SAV1: variants seen among roughly 807,000 people sequenced by gnomAD.
The protein encoded by SAV1 is salvador family WW domain containing protein 1.
SAV1 carries 23 observed loss-of-function variants against 47.3 expected under a neutral mutation model. That is an observed-to-expected ratio of 0.49 (90% confidence interval 0.35 to 0.69). SAV1 has a LOEUF of 0.69. SAV1 is among the 30% of genes least tolerant of loss of function. The probability of loss-of-function intolerance (pLI) is 0.01; values close to 1 mark genes in which losing one functional copy is unlikely to be tolerated. For synonymous variants in SAV1, 155 were observed against 159.2 expected, an observed-to-expected ratio of 0.97 and a Z score of 0.20; for missense variants, 448 against 457.4, an observed-to-expected ratio of 0.98 and a Z score of 0.19.
At chr14:50,656,532 T>A (rs2140260334) in intron 2 of SAV1, among the ~76,000 whole-genome samples, 1 of 149,768 alleles carries the variant, frequency 6.7e-6, no homozygotes, top group East Asian at 2.0e-4. Context: ...AAGCTCTGCC[T>A]CCTGGGTTCA....
chr14:50,656,738 G>A (rs747460387), intron 2 of SAV1, among the ~76,000 whole-genome samples: 7 of 152,012 alleles, frequency 4.6e-5, no homozygotes, highest in Non-Finnish European at 8.8e-5. Context: ...CACCGTGCCC[G>A]GCCCCAGCTG....
intron 2 of SAV1, among the ~76,000 whole-genome samples, chr14:50,657,847 T>C (rs964752025): frequency 6.6e-6 from 1 of 152,228 alleles, no homozygotes; most frequent in Non-Finnish European, 1.5e-5. Context: ...TTATTTTCTC[T>C]CTCAGCTATC....
intron 3 of SAV1, among the ~76,000 whole-genome samples, chr14:50,643,195 T>C (rs560603559): frequency 6.0e-4 from 91 of 152,304 alleles, no homozygotes; most frequent in East Asian, 5.8e-4. Flanking sequence ...AATTATGAAA[T>C]TGCTTTTAAA....
intron 4 of SAV1, among the ~76,000 whole-genome samples, chr14:50,636,054 A>T (rs955647063): frequency 6.6e-6 from 1 of 152,146 alleles, no homozygotes; most frequent in African/African-American, 2.4e-5. Context: ...ATATTACTTC[A>T]TTTCAATTTA....
intron 4 of SAV1, chr14:50,637,663 AGTTTTTTTTTTTT>A (rs1367190772): frequency 3.9e-5 from 5 of 128,768 alleles, no homozygotes; most frequent in Non-Finnish European, 6.2e-5. Flanking sequence ...CAATTTTGTC[AGTTTTTTTTTTTT>A]TTTTTTTTTT....
intron 4 of SAV1, among the ~76,000 whole-genome samples, chr14:50,640,280 C>T (rs1464214568): frequency 6.6e-6 from 1 of 152,128 alleles, no homozygotes; most frequent in African/African-American, 2.4e-5. Flanking sequence ...AAAAGCCTGG[C>T]TAATTTTTAA....
intron 2 of SAV1, among the ~76,000 whole-genome samples, chr14:50,653,171 A>G (rs1486856241): frequency 6.6e-6 from 1 of 152,210 alleles, no homozygotes; most frequent in Admixed American, 6.5e-5. Flanking sequence ...ACATACAACA[A>G]TGAAATGCAA....
chr14:50,635,868 C>T (rs139505904), intron 4 of SAV1, among the ~76,000 whole-genome samples: 2 of 152,104 alleles, frequency 1.3e-5, no homozygotes, highest in Non-Finnish European at 1.5e-5. Flanking sequence ...CGCCACCATG[C>T]CCAGCTACTT....
intron 2 of SAV1, among the ~76,000 whole-genome samples, chr14:50,657,349 G>A (rs1566746160): frequency 6.6e-6 from 1 of 152,168 alleles, no homozygotes; most frequent in Non-Finnish European, 1.5e-5. Flanking sequence ...TTATGGATGT[G>A]TATTCTATCC....
At position 50,644,791 on chromosome 14, in the gene SAV1, T is replaced by C. The variant is rs1374351985; in HGVS notation, c.759A>G (p.Val253=). The change falls in exon 3 of 5, where the codon GTA becomes GTG. Residue 253 remains valine (V), a synonymous_variant. Coordinates refer to ENST00000324679, the MANE Select transcript of SAV1 (RefSeq NM_021818.4). The part of the protein sequence containing the change: ...VESSEFGTYY[V]DHTNKKAQYR... The stretch of plus-strand genomic sequence containing the variant: ...ATTGGGCCTTCTTATTTGTGTGATC[T>C]ACATAATAGGTTCCAAATTCGGATG... 1.7e-5 allele frequency: 27 copies of C among 1,614,042 alleles called. No individual in the cohort carries two copies. The highest frequency in any genetic ancestry group is 2.2e-5 in the South Asian group (2 of 91,088).
rs772504041 is a variant in SAV1, at chr14:50,665,385, T to C, written c.329A>G (p.Tyr110Cys). 43 of 1,611,932 alleles carry C rather than the reference T, an allele frequency of 2.7e-5. No individual in the cohort carries two copies. In the South Asian group the frequency reaches 4.6e-4, roughly 17 times the overall value. Residue 110 changes from tyrosine (Y) to cysteine (C), a missense_variant, in exon 2 of 5, where the codon TAT becomes TGT. Tyr to Cys is a radical substitution (Grantham distance 194). Coordinates refer to ENST00000324679, the MANE Select transcript of SAV1 (RefSeq NM_021818.4). ...CGTTACAAATGACTGAGAAGAACCA[T>C]ACTCTCTAGGGACATCTGCTAGACT... ...ARSLADVPRE[Y>C]GSSQSFVTEV... is the part of the protein sequence containing the mutation.
chr14:50,648,463 CATA>C (rs1185661420), intron 2 of SAV1, among the ~76,000 whole-genome samples: 5 of 152,172 alleles, frequency 3.3e-5, no homozygotes, highest in African/African-American at 1.2e-4. Context: ...AATCTGGCTG[CATA>C]ATTTTATTCT....
chr14:50,634,918 G>A lies in SAV1; in HGVS notation c.*265C>T, dbSNP rs1050341439. On this transcript the variant is annotated 3_prime_UTR_variant, in exon 5 of 5. Coordinates refer to ENST00000324679, the MANE Select transcript of SAV1 (RefSeq NM_021818.4). ...AACATCTGTTCATAATGACATTTCC[G>A]CTGCGTTTTTTTCCATCAAGAATAC... 15 of 341,540 alleles carry A rather than the reference G, an allele frequency of 4.4e-5. No individual in the cohort carries two copies. Among genetic ancestry groups the A allele is most frequent in the Admixed American group, 2.7e-4 (6 of 22,042 alleles). 21.2% of individuals were successfully genotyped at this position (341,540 alleles called of 1,614,324 possible).
At position 50,644,925 on chromosome 14, in the gene SAV1, A is replaced by G. The variant is rs1387791930; in HGVS notation, c.625T>C (p.Trp209Arg). The G allele has an allele frequency of 6.2e-7, 1 of 1,614,132 alleles. No individual in the cohort carries two copies. Residue 209 changes from tryptophan to arginine, a missense_variant, in exon 3 of 5, where the codon TGG becomes CGG. Transcript: ENST00000324679. ...TAATATTTTCTCCCTCTCATTGTCC[A>G]GTCCACAGACCAGCCAGGAGGAAGG... Reference protein sequence around the residue: ...LPLPPGWSVDWTMRGRKYYID... With the variant: ...LPLPPGWSVDRTMRGRKYYID...
rs752327717 is a variant in SAV1, at chr14:50,665,303, G to A, written c.411C>T (p.Asp137=). 6.2e-7 allele frequency: 1 copy of A among 1,613,762 alleles called. No individual in the cohort carries two copies. The highest frequency in any genetic ancestry group is 1.7e-5 in the Admixed American group (1 of 59,996). ...GDSGSRYYYS[D]NFFDGQRKRP... ...GCTTTCTCTGACCATCAAAAAAATTGTCTGAATAATAATATCGGGAACCAG... is the reference window on the plus strand; with the variant it reads ...GCTTTCTCTGACCATCAAAAAAATTATCTGAATAATAATATCGGGAACCAG... The change falls in exon 2 of 5, where the codon GAC becomes GAT. Residue 137 remains aspartate, a synonymous_variant. Transcript: ENST00000324679.
At position 50,635,381 on chromosome 14, in the gene SAV1, A is replaced by C. The variant is rs199884942; in HGVS notation, c.954T>G (p.Tyr318Ter). ...LQVYARAPVKYDHILKWELFQ... is the reference protein window; with the variant it reads ...LQVYARAPVK ...AGAGTTCCCACTTCAGAATGTGGTC[A>C]TATCTGTTTTAAAACACAATCATAT... Residue 318 changes from tyrosine (Y) to a stop codon, truncating the protein, a stop_gained, in exon 5 of 5, where the codon TAT (tyrosine) becomes TAG (stop). Transcript: ENST00000324679. LOFTEE classifies it high-confidence loss of function. The C allele has an allele frequency of 6.2e-7, 1 of 1,613,492 alleles. No individual in the cohort carries two copies. Among genetic ancestry groups the C allele is most frequent in the Non-Finnish European group, 8.5e-7 (1 of 1,179,428 alleles).
intron 2 of SAV1, among the ~76,000 whole-genome samples, chr14:50,659,878 A>AT (rs1331482837): frequency 6.6e-6 from 1 of 152,072 alleles, no homozygotes; most frequent in African/African-American, 2.4e-5. Flanking sequence ...CAAGAAAACA[A>AT]TGATCCTAGA....
intron 4 of SAV1, among the ~76,000 whole-genome samples, chr14:50,636,026 CA>C (rs920380901): frequency 2.6e-5 from 4 of 152,078 alleles, no homozygotes; most frequent in African/African-American, 9.7e-5. Context: ...TTCTTCTAAG[CA>C]AAGGAGAAAA....
intron 2 of SAV1, chr14:50,664,628 A>C (rs2039885630): frequency 6.6e-6 from 1 of 152,240 alleles, no homozygotes; most frequent in Non-Finnish European, 1.5e-5. Flanking sequence ...GACATGCTCA[A>C]CACATAATTA....
Sources: gnomAD v4.1 joint callset for allele counts (sites outside exome capture counted in the v4.1 genomes callset) on GRCh38, gnomAD v4.1.1 for gene constraint, MANE v1.5 for transcripts, NCBI Gene and HGNC (gene_info 2026-07-23, HGNC 2026-07-21) for gene names.